TRNAU1AP: variants seen among roughly 807,000 people sequenced by gnomAD.
The protein encoded by TRNAU1AP is tRNA selenocysteine 1-associated protein 1.
TRNAU1AP carries 33 observed loss-of-function variants against 43.3 expected under a neutral mutation model. The observed-to-expected ratio is 0.76, with a 90% CI of 0.58 to 1.02. The LOEUF (loss-of-function observed/expected upper bound fraction) is 1.02, where lower values mean the gene tolerates loss of function less well. Among genes scored for constraint, TRNAU1AP ranks in the 50% least tolerant of loss-of-function variants. TRNAU1AP has a pLI of 0.00. For synonymous variants in TRNAU1AP, 143 were observed against 129.1 expected (o/e 1.11, Z -0.73); for missense variants, 290 against 362.7 (o/e 0.80, Z 1.63).
intron 6 of TRNAU1AP, among the ~76,000 whole-genome samples, chr1:28,570,500 C>T (rs1480039306): frequency 2.0e-5 from 3 of 151,638 alleles, no homozygotes; most frequent in African/African-American, 7.3e-5. Context: ...CACCTGCCTT[C>T]GCCTCCCAAA....
intron 8 of TRNAU1AP, among the ~76,000 whole-genome samples, chr1:28,576,828 ACTTCTGG>A (rs1665796105): frequency 1.3e-5 from 2 of 151,880 alleles, no homozygotes; most frequent in Non-Finnish European, 2.9e-5. Context: ...TGAACTCCCG[ACTTCTGG>A]TGATCTGCCC....
chr1:28,567,261 T>C, intron 5 of TRNAU1AP, 33 bp from the exon 6 acceptor site: 4 of 1,608,600 alleles, frequency 2.5e-6, no homozygotes, highest in Non-Finnish European at 3.4e-6. Flanking sequence ...TTAATCACAT[T>C]TGTGATCTAA....
At chr1:28,564,557 T>C in intron 4 of TRNAU1AP, 146 bp from the exon 5 acceptor site, 1 of 948,958 alleles carries the variant, frequency 1.1e-6, no homozygotes, top group African/African-American at 1.7e-5. Context: ...ACTGCTCTGA[T>C]GAAACAAAGT....
chr1:28,561,206 A>C, intron 3 of TRNAU1AP, 140 bp from the exon 4 acceptor site: 2 of 1,479,372 alleles, frequency 1.4e-6, no homozygotes, highest in Non-Finnish European at 1.8e-6. Context: ...CAACCCCCTC[A>C]TTTTATACAG....
chr1:28,558,618 G>A (rs1396792687), intron 2 of TRNAU1AP, among the ~76,000 whole-genome samples: 3 of 144,262 alleles, frequency 2.1e-5, no homozygotes, highest in Non-Finnish European at 3.0e-5. Context: ...AGGCTGGAGT[G>A]CAGTGGCGTG....
At chr1:28,576,344 C>A (rs886104528) in intron 8 of TRNAU1AP, among the ~76,000 whole-genome samples, 55 of 143,010 alleles carry the variant, frequency 3.8e-4, no homozygotes, top group Middle Eastern at 7.8e-3. Flanking sequence ...TTTGAGATGG[C>A]ATCTTGCTCT....
intron 2 of TRNAU1AP, among the ~76,000 whole-genome samples, chr1:28,555,044 C>G (rs1319915708): frequency 6.6e-6 from 1 of 151,666 alleles, no homozygotes. Context: ...TGGAGACCAG[C>G]CTGACCAACA....
intron 2 of TRNAU1AP, among the ~76,000 whole-genome samples, chr1:28,560,279 CTTTTTTTT>C (rs61583725): frequency 7.3e-6 from 1 of 137,778 alleles, no homozygotes; most frequent in South Asian, 2.3e-4. Context: ...CATCTTGAGC[CTTTTTTTT>C]TTTTTTTTTA....
chr1:28,553,545 C>A (rs1168499833), intron 1 of TRNAU1AP, 95 bp from the exon 2 acceptor site: 1 of 1,184,866 alleles, frequency 8.4e-7, no homozygotes, highest in Non-Finnish European at 1.2e-6. Context: ...CCCAGCGGCG[C>A]GTAGCCAGCC....
chr1:28,571,067 G>GAA (rs912522481), intron 6 of TRNAU1AP, 109 bp from the exon 7 acceptor site: 42 of 1,013,774 alleles, frequency 4.1e-5, no homozygotes, highest in East Asian at 8.8e-5. Flanking sequence ...TCTGTCTCAA[G>GAA]AAAAAAAAAA....
chr1:28,575,465 GTTT>G (rs1235068576), intron 8 of TRNAU1AP, among the ~76,000 whole-genome samples: 2 of 127,462 alleles, frequency 1.6e-5, no homozygotes, highest in Non-Finnish European at 3.4e-5. Context: ...GTTTTTTTTT[GTTT>G]TTTTTTTTTT....
Position 28,577,597 on chromosome 1 carries a change from C to A in TRNAU1AP, c.825C>A (p.Pro275=). 6.2e-7 allele frequency: 1 copy of A among 1,614,138 alleles called. No homozygotes were observed. Among genetic ancestry groups the A allele is most frequent in the Non-Finnish European group, 8.5e-7 (1 of 1,180,018 alleles). The change falls in exon 9 of 9, where the codon CCC becomes CCA. Residue 275 remains proline, a synonymous_variant. Coordinates refer to ENST00000373830, the MANE Select transcript of TRNAU1AP (RefSeq NM_017846.5). ...YDALMDCHWQ[P]LDTVSSEIPA... ...CTCTGATGGACTGTCACTGGCAGCC[C>A]CTGGACACAGTGTCTTCAGAGATCC... is the stretch of plus-strand genomic sequence containing the variant.
chr1:28,564,864 C>T (rs766222001), intron 5 of TRNAU1AP, 30 bp downstream of exon 5: 2 of 1,613,232 alleles, frequency 1.2e-6, no homozygotes, highest in South Asian at 2.2e-5. Context: ...TGATGCTTAA[C>T]TGTGTTAGTT....
At chr1:28,571,081 A>G (rs1344005551) in intron 6 of TRNAU1AP, 95 bp from the exon 7 acceptor site, 1 of 1,245,686 alleles carries the variant, frequency 8.0e-7, no homozygotes, top group African/African-American at 1.5e-5. Context: ...AAAAAAAGTT[A>G]ATCGGTATAA....
rs762729219 is a variant in TRNAU1AP, at chr1:28,573,772, C to CA, written c.727+1887dup. Among the ~76,000 whole-genome samples the CA allele has an allele frequency of 1.8e-3, 229 of 126,392 alleles. 1 individual carries two copies. Among genetic ancestry groups the CA allele is most frequent in the South Asian group, 6.7e-3 (27 of 4,030 alleles). The allele number at this position is 126,392 out of a possible 152,430, so 82.9% of individuals were successfully genotyped here. A position where few individuals can be genotyped will look rare whatever the true frequency, so the allele number is the denominator to read the frequency against. ...TGGGCAACAGTGCAAGACTCTGTCT[C>CA]AAAAAAAAAAAAAAATTATCCAGGC... On this transcript the variant is annotated intron_variant, in intron 8 of 8. Transcript: ENST00000373830.
chr1:28,570,305 T>G (rs919706544), intron 6 of TRNAU1AP, among the ~76,000 whole-genome samples: 31 of 152,056 alleles, frequency 2.0e-4, no homozygotes, highest in African/African-American at 7.5e-4. Flanking sequence ...TGGAGTCCAG[T>G]GGCACAATCT....
intron 4 of TRNAU1AP, among the ~76,000 whole-genome samples, chr1:28,563,063 T>C (rs1226209119): frequency 6.6e-6 from 1 of 151,586 alleles, no homozygotes; most frequent in Non-Finnish European, 1.5e-5. Context: ...GCCCAGCTAA[T>C]TTTTATATTT....
intron 4 of TRNAU1AP, among the ~76,000 whole-genome samples, chr1:28,561,798 T>C (rs527830910): frequency 4.7e-4 from 71 of 151,500 alleles, no homozygotes; most frequent in African/African-American, 1.3e-3. Context: ...AATGGCCGGG[T>C]GTGGTGGCTC....
intron 5 of TRNAU1AP, 84 bp downstream of exon 5, chr1:28,564,918 C>A: frequency 6.5e-7 from 1 of 1,549,200 alleles, no homozygotes; most frequent in Non-Finnish European, 8.9e-7. Flanking sequence ...AAAGGCCCTG[C>A]AGCATGGCGA....
Sources: allele counts gnomAD v4.1 joint callset (sites outside exome capture counted in the v4.1 genomes callset), GRCh38; gene constraint gnomAD v4.1.1; transcripts MANE v1.5; gene names NCBI Gene and HGNC (gene_info 2026-07-23, HGNC 2026-07-21).